The following TAFA2 variants were observed in gnomAD, a reference collection of about 807,000 sequenced individuals.
The protein encoded by TAFA2 is chemokine-like protein TAFA-2.
A neutral mutation model predicts 18.8 loss-of-function variants in TAFA2; 7 were observed. That is an observed-to-expected ratio of 0.37 (90% CI 0.21 to 0.70). The LOEUF (loss-of-function observed/expected upper bound fraction) is 0.70, where lower values mean the gene tolerates loss of function less well. Ranked by LOEUF, TAFA2 falls within the 30% of genes least tolerant of loss-of-function variation. The probability of loss-of-function intolerance (pLI) is 0.53; values close to 1 mark genes in which losing one functional copy is unlikely to be tolerated. For missense variants in TAFA2, 122 were observed against 158.1 expected (o/e 0.77, Z 1.23); for synonymous variants, 60 against 54.2 (o/e 1.11, Z -0.47).
chr12:61,877,969 T>C, intron 1 of TAFA2: 1 of 436,942 alleles, frequency 2.3e-6, no homozygotes, highest in South Asian at 1.6e-5. Context: ...ACACACACAG[T>C]GGAATATTAT....
intron 1 of TAFA2, among the ~76,000 whole-genome samples, chr12:61,990,047 T>G (rs1045003906): frequency 6.6e-6 from 1 of 152,130 alleles, no homozygotes; most frequent in Non-Finnish European, 1.5e-5. Context: ...AACTCCCCAA[T>G]TGAAAACCAG....
chr12:62,130,738 T>A (rs903202148), intron 1 of TAFA2, among the ~76,000 whole-genome samples: 5 of 152,018 alleles, frequency 3.3e-5, no homozygotes, highest in African/African-American at 1.2e-4. Context: ...TGAAATTCAC[T>A]GACCCATATT....
At chr12:62,158,726 G>A (rs1158132265) in intron 1 of TAFA2, among the ~76,000 whole-genome samples, 1 of 152,154 alleles carries the variant, frequency 6.6e-6, no homozygotes, top group Non-Finnish European at 1.5e-5. Flanking sequence ...AAAAGCAAAT[G>A]TCCATTCTCC....
chr12:61,879,522 C>A, intron 1 of TAFA2: 1 of 712,216 alleles, frequency 1.4e-6, no homozygotes, highest in South Asian at 1.5e-5. Flanking sequence ...CTGTCATGGT[C>A]AACCAGAGCC....
At chr12:61,954,262 C>G (rs1242072829) in intron 1 of TAFA2, among the ~76,000 whole-genome samples, 1 of 152,078 alleles carries the variant, frequency 6.6e-6, no homozygotes, top group African/African-American at 2.4e-5. Flanking sequence ...GTTCTAGAAA[C>G]AGATGCTGAA....
At chr12:62,059,102 CA>C (rs1241074785) in intron 1 of TAFA2, among the ~76,000 whole-genome samples, 2 of 102,092 alleles carry the variant, frequency 2.0e-5, no homozygotes, top group Non-Finnish European at 4.5e-5. Flanking sequence ...GACTCCGTCT[CA>C]AAAAAAATAA....
In TAFA2 at chr12:62,024,053, T is replaced by C. The variant is rs369715759; in HGVS notation, c.-1-156627A>G. Among the ~76,000 whole-genome samples the C allele has an allele frequency of 2.6e-5, 4 of 152,164 alleles. No homozygotes were observed. In the East Asian group the frequency reaches 5.8e-4, roughly 22 times the overall value. On this transcript the variant is annotated intron_variant, in intron 1 of 4. Transcript: ENST00000416284. ...AATCGGTTGCCTTACCTCTACTGCT[T>C]GAAAACACTCTTTGTTCCTATTTCT...
intron 1 of TAFA2, among the ~76,000 whole-genome samples, chr12:62,113,419 C>G (rs35194524): frequency 0.22 from 34,117 of 152,054 alleles, 4,203 homozygotes; most frequent in East Asian, 0.37. Context: ...AGGTGCCTGT[C>G]GACCCCTGCT....
At chr12:62,250,505 GGTGTGTATGTGTGTGA>G (rs1278195990) in intron 1 of TAFA2, among the ~76,000 whole-genome samples, 1 of 151,652 alleles carries the variant, frequency 6.6e-6, no homozygotes, top group Non-Finnish European at 1.5e-5. Context: ...GATGTGTGTG[GGTGTGTATGTGTGTGA>G]GTTTTGTTCT....
intron 1 of TAFA2, among the ~76,000 whole-genome samples, chr12:62,111,334 A>G (rs1245360): frequency 0.93 from 141,651 of 152,282 alleles, 65,916 homozygotes; most frequent in Non-Finnish European, 0.94. Flanking sequence ...TAATTTGATT[A>G]CACTGTGGTC....
intron 2 of TAFA2, among the ~76,000 whole-genome samples, chr12:61,776,715 T>C (rs1050315523): frequency 1.3e-5 from 2 of 151,944 alleles, no homozygotes; most frequent in African/African-American, 4.8e-5. Context: ...AATTTCTAAA[T>C]TTCTATGTTC....
At chr12:61,912,180 C>T (rs865810413) in intron 1 of TAFA2, among the ~76,000 whole-genome samples, 123 of 152,076 alleles carry the variant, frequency 8.1e-4, no homozygotes, top group African/African-American at 2.8e-3. Context: ...TTAATGTGAC[C>T]CAGCTAATAA....
chr12:62,120,445 C>T (rs900490243), intron 1 of TAFA2, among the ~76,000 whole-genome samples: 3 of 152,154 alleles, frequency 2.0e-5, no homozygotes, highest in Non-Finnish European at 4.4e-5. Context: ...AAACAACATC[C>T]ATTTCCAGAC....
At chr12:61,852,110 G>C (rs1873696261) in intron 2 of TAFA2, among the ~76,000 whole-genome samples, 1 of 151,840 alleles carries the variant, frequency 6.6e-6, no homozygotes, top group Non-Finnish European at 1.5e-5. Flanking sequence ...AAGAGGCTGA[G>C]GCAGGAGAAT....
chr12:61,994,268 C>A (rs574633553), intron 1 of TAFA2, among the ~76,000 whole-genome samples: 1 of 152,182 alleles, frequency 6.6e-6, no homozygotes, highest in South Asian at 2.1e-4. Flanking sequence ...GCAGACAAAC[C>A]CATCTATCTG....
intron 1 of TAFA2, chr12:62,235,519 G>A: frequency 1.9e-6 from 1 of 517,026 alleles, no homozygotes; most frequent in Non-Finnish European, 3.6e-6. Context: ...TGTACATGAA[G>A]ACTAGGTGGT....
intron 1 of TAFA2, among the ~76,000 whole-genome samples, chr12:62,080,942 C>T (rs531674700): frequency 5.1e-4 from 77 of 152,240 alleles, no homozygotes; most frequent in African/African-American, 1.8e-3. Context: ...CGCCTGTAAC[C>T]CCAGCACTTT....
At chr12:62,196,394 A>G (rs2062649292), upstream of TAFA2, among the ~76,000 whole-genome samples, 1 of 152,216 alleles carries the variant, frequency 6.6e-6, no homozygotes, top group East Asian at 1.9e-4. Context: ...GTTTGGCTCA[A>G]GAGGCCTAGT....
intron 2 of TAFA2, among the ~76,000 whole-genome samples, chr12:61,799,635 A>G (rs1243800213): frequency 6.6e-6 from 1 of 152,186 alleles, no homozygotes; most frequent in Non-Finnish European, 1.5e-5. Flanking sequence ...ATCCTGGCTA[A>G]CACGGTGAAA....
Sources: allele counts gnomAD v4.1 joint callset (sites outside exome capture counted in the v4.1 genomes callset), GRCh38; gene constraint gnomAD v4.1.1; transcripts MANE v1.5; gene names NCBI Gene and HGNC (gene_info 2026-07-23, HGNC 2026-07-21).